The following DTNBP1 variants were observed in gnomAD, a reference collection of about 807,000 sequenced individuals.
DTNBP1 encodes the protein dystrobrevin binding protein 1, also known as dysbindin.
In DTNBP1, 35 loss-of-function variants were observed where a neutral mutation model predicts 42.8. The observed-to-expected ratio is 0.82, with a 90% CI of 0.63 to 1.09. The LOEUF (loss-of-function observed/expected upper bound fraction) is 1.09, where lower values mean the gene tolerates loss of function less well. DTNBP1 is among the 50% of genes least tolerant of loss of function. The pLI, the probability that DTNBP1 is intolerant of heterozygous loss-of-function variation, is 0.00. For synonymous variants in DTNBP1, 171 were observed against 162.2 expected, an observed-to-expected ratio of 1.05 and a Z score of -0.41; for missense variants, 457 against 424.2, an observed-to-expected ratio of 1.08 and a Z score of -0.68.
chr6:15,601,970 C>G (rs961172215), intron 6 of DTNBP1, among the ~76,000 whole-genome samples: 1 of 151,698 alleles, frequency 6.6e-6, no homozygotes, highest in African/African-American at 2.4e-5. Flanking sequence ...AATCCAGTAT[C>G]AAACCTCTCC....
chr6:15,640,385 C>T (rs945690476), intron 3 of DTNBP1, among the ~76,000 whole-genome samples: 10 of 152,168 alleles, frequency 6.6e-5, no homozygotes, highest in East Asian at 3.9e-4. Context: ...CAAACTCAAA[C>T]GTCTTTAAAA....
At chr6:15,553,852 A>G (rs1229229399) in intron 7 of DTNBP1, among the ~76,000 whole-genome samples, 1 of 152,094 alleles carries the variant, frequency 6.6e-6, no homozygotes, top group Non-Finnish European at 1.5e-5. Flanking sequence ...AAAACTGCAG[A>G]AACAGGAGGA....
intron 6 of DTNBP1, among the ~76,000 whole-genome samples, chr6:15,609,926 C>A (rs1758299855): frequency 6.6e-6 from 1 of 152,194 alleles, no homozygotes; most frequent in Admixed American, 6.5e-5. Context: ...TGCAGTTTTG[C>A]AGATGAATGC....
At chr6:15,618,334 CT>C (rs1561994559) in intron 5 of DTNBP1, among the ~76,000 whole-genome samples, 3 of 151,946 alleles carry the variant, frequency 2.0e-5, no homozygotes, top group Admixed American at 6.6e-5. Context: ...GTTAGAATAG[CT>C]ATTGCCACAT....
chr6:15,557,002 C>T (rs918219405), intron 7 of DTNBP1, among the ~76,000 whole-genome samples: 8 of 152,104 alleles, frequency 5.3e-5, no homozygotes, highest in African/African-American at 1.9e-4. Context: ...GGCCTGGGGA[C>T]CTGTGGAGTT....
intron 6 of DTNBP1, among the ~76,000 whole-genome samples, chr6:15,612,049 G>A (rs1220732267): frequency 6.6e-6 from 1 of 152,200 alleles, no homozygotes; most frequent in Non-Finnish European, 1.5e-5. Flanking sequence ...AACGCATGCT[G>A]CAGAGAAATC....
chr6:15,635,014 C>T (rs1404631099), intron 4 of DTNBP1, among the ~76,000 whole-genome samples: 1 of 152,156 alleles, frequency 6.6e-6, no homozygotes, highest in Non-Finnish European at 1.5e-5. Context: ...CTTGCTTTTA[C>T]TCTAATTCTT....
At chr6:15,598,191 A>G (rs1325252736) in intron 6 of DTNBP1, among the ~76,000 whole-genome samples, 12 of 152,232 alleles carry the variant, frequency 7.9e-5, no homozygotes, top group Non-Finnish European at 4.4e-5. Context: ...AAAGAATCAC[A>G]TTAATAAGCC....
chr6:15,547,945 TG>T (rs1773978398), intron 7 of DTNBP1, among the ~76,000 whole-genome samples: 1 of 152,216 alleles, frequency 6.6e-6, no homozygotes, highest in South Asian at 2.1e-4. Flanking sequence ...GACAAAACTC[TG>T]GCAAATAAAA....
intron 7 of DTNBP1, chr6:15,546,006 T>G (rs372794519): frequency 2.6e-4 from 116 of 445,846 alleles, no homozygotes; most frequent in Middle Eastern, 1.7e-3. Flanking sequence ...GCCTCAGATT[T>G]CCCATCGCCA....
At chr6:15,530,656 T>A (rs747662733) in intron 8 of DTNBP1, among the ~76,000 whole-genome samples, 1 of 151,944 alleles carries the variant, frequency 6.6e-6, no homozygotes, top group Non-Finnish European at 1.5e-5. Context: ...GTCTACTACT[T>A]CATCATCCTC....
intron 6 of DTNBP1, among the ~76,000 whole-genome samples, chr6:15,610,807 C>G (rs1449578299): frequency 3.9e-5 from 6 of 152,306 alleles, no homozygotes; most frequent in African/African-American, 1.4e-4. Flanking sequence ...TCTATGAAAG[C>G]TAAAACAGGT....
At chr6:15,524,145 C>T (rs576988657) in intron 9 of DTNBP1, 1,046 of 1,395,716 alleles carry the variant, frequency 7.5e-4, no homozygotes, top group Non-Finnish European at 8.6e-4. Flanking sequence ...AAATGCCTGT[C>T]GCACGAAGAG....
intron 6 of DTNBP1, 26 bp downstream of exon 6, chr6:15,615,241 T>C (rs1325683229): frequency 1.3e-5 from 21 of 1,614,154 alleles, no homozygotes; most frequent in Non-Finnish European, 1.7e-5. Context: ...CTGGAATGAA[T>C]ACTGTGGCAA....
At chr6:15,547,937 CA>C (rs1396515168) in intron 7 of DTNBP1, among the ~76,000 whole-genome samples, 1 of 152,118 alleles carries the variant, frequency 6.6e-6, no homozygotes, top group Non-Finnish European at 1.5e-5. Flanking sequence ...AGCTAATAGA[CA>C]AAACTCTGGC....
chr6:15,650,350 G>A (rs947035391), intron 3 of DTNBP1, among the ~76,000 whole-genome samples: 2 of 152,016 alleles, frequency 1.3e-5, no homozygotes, highest in South Asian at 4.2e-4. Flanking sequence ...TCGGCTCACC[G>A]CAACCCCTGC....
At chr6:15,580,780 T>C (rs1037116536) in intron 7 of DTNBP1, among the ~76,000 whole-genome samples, 1 of 152,204 alleles carries the variant, frequency 6.6e-6, no homozygotes, top group African/African-American at 2.4e-5. Flanking sequence ...GGCACTTTCA[T>C]GTTAAAAAGA....
chr6:15,530,398 T>C (rs1001380450), intron 8 of DTNBP1, among the ~76,000 whole-genome samples: 1 of 152,234 alleles, frequency 6.6e-6, no homozygotes, highest in Non-Finnish European at 1.5e-5. Context: ...ATTGGCGACA[T>C]GTGCCTGATT....
At chr6:15,581,534 G>A (rs905969502) in intron 7 of DTNBP1, among the ~76,000 whole-genome samples, 2 of 137,492 alleles carry the variant, frequency 1.5e-5, no homozygotes, top group African/African-American at 5.4e-5. Context: ...AGGCTGGAGT[G>A]CAGTGGTGAG....
Sources: allele counts gnomAD v4.1 joint callset (sites outside exome capture counted in the v4.1 genomes callset), GRCh38; gene constraint gnomAD v4.1.1; transcripts MANE v1.5; gene names NCBI Gene and HGNC (gene_info 2026-07-23, HGNC 2026-07-21).